The following EXOC1L variants were observed in gnomAD, a reference collection of about 807,000 sequenced individuals.
EXOC1L encodes exocyst complex component 1 like, also known as exocyst complex component 1-like.
A neutral mutation model predicts 4.9 loss-of-function variants in EXOC1L; 10 were observed. That is an observed-to-expected ratio of 2.02 (90% CI 1.25 to 3.43). The LOEUF (loss-of-function observed/expected upper bound fraction) is 3.43, where lower values mean the gene tolerates loss of function less well. Among genes scored for constraint, EXOC1L ranks in the 30% most tolerant of loss-of-function variants. The probability of loss-of-function intolerance (pLI) is 0.00; values close to 1 mark genes in which losing one functional copy is unlikely to be tolerated. For synonymous variants in EXOC1L, 41 were observed against 20.8 expected (o/e 1.97, Z -2.63); for missense variants, 114 against 59.4 (o/e 1.92, Z -3.02).
chr4:55,829,864 T>C (rs1260606404), intron 1 of EXOC1L, among the ~76,000 whole-genome samples: 1 of 152,228 alleles, frequency 6.6e-6, no homozygotes, highest in Non-Finnish European at 1.5e-5. Context: ...CTGTTGCATT[T>C]CAAATCCAGA....
chr4:55,826,851 G>T (rs908442074), intron 1 of EXOC1L, among the ~76,000 whole-genome samples: 2 of 152,182 alleles, frequency 1.3e-5, no homozygotes, highest in African/African-American at 4.8e-5. Context: ...AAAGGAAGCT[G>T]TTTTGTCAAA....
chr4:55,822,985 G>A (rs1719785132), intron 1 of EXOC1L, among the ~76,000 whole-genome samples: 2 of 150,764 alleles, frequency 1.3e-5, no homozygotes, highest in South Asian at 4.2e-4. Flanking sequence ...GTAAACATGT[G>A]TGTATATTTA....
At chr4:55,835,925 C>T (rs1039761766) in intron 2 of EXOC1L, among the ~76,000 whole-genome samples, 1 of 151,802 alleles carries the variant, frequency 6.6e-6, no homozygotes, top group African/African-American at 2.4e-5. Context: ...TTATTAAGCT[C>T]CACGCTCGTT....
At chr4:55,824,271 T>TCACA (rs746113500) in intron 1 of EXOC1L, among the ~76,000 whole-genome samples, 6 of 144,708 alleles carry the variant, frequency 4.1e-5, no homozygotes, top group African/African-American at 1.0e-4. Flanking sequence ...TCTCTCTCTC[T>TCACA]CTCACACACA....
chr4:55,833,493 G>T (rs1468255268), intron 2 of EXOC1L, among the ~76,000 whole-genome samples: 1 of 151,568 alleles, frequency 6.6e-6, no homozygotes, highest in African/African-American at 2.4e-5. Flanking sequence ...ATATTTTTCT[G>T]TACTTGTCAA....
chr4:55,824,662 T>C (rs886483132), intron 1 of EXOC1L, among the ~76,000 whole-genome samples: 1 of 152,102 alleles, frequency 6.6e-6, no homozygotes, highest in African/African-American at 2.4e-5. Context: ...CACCCAGCCC[T>C]ATGCAGGAAT....
chr4:55,835,520 T>A (rs1560577678), intron 2 of EXOC1L, among the ~76,000 whole-genome samples: 1 of 152,038 alleles, frequency 6.6e-6, no homozygotes, highest in East Asian at 1.9e-4. Context: ...CAACATCTAC[T>A]ATTTTTTGAT....
intron 1 of EXOC1L, among the ~76,000 whole-genome samples, chr4:55,824,509 T>C (rs1233105607): frequency 7.2e-5 from 11 of 152,086 alleles, no homozygotes; most frequent in Admixed American, 7.2e-4. Flanking sequence ...ACTACAGTCA[T>C]GCGCCACTAT....
chr4:55,821,331 G>A (rs1453807361), intron 1 of EXOC1L, among the ~76,000 whole-genome samples: 1 of 152,084 alleles, frequency 6.6e-6, no homozygotes, highest in Non-Finnish European at 1.5e-5. Context: ...AAGAAATTAA[G>A]TATTTTAGAA....
rs977419400 is a variant in EXOC1L at position 55,837,234 on chromosome 4, A to C, written c.402A>C (p.Thr134=). ...KDLQIVNFDS[T]YINDDSIWSS... ...TACAGATCGTGAACTTTGATTCTACATACATTAACGATGATTCCATTTGGT... is the reference window on the plus strand; with the variant it reads ...TACAGATCGTGAACTTTGATTCTACCTACATTAACGATGATTCCATTTGGT... Residue 134 remains threonine (T), a synonymous_variant, in exon 3 of 3, where the codon ACA becomes ACC. Transcript: ENST00000636125. 2.8e-6 allele frequency: 2 copies of C among 701,902 alleles called. No individual in the cohort carries two copies. Among genetic ancestry groups the C allele is most frequent in the Admixed American group, 4.0e-5 (2 of 49,974 alleles). The allele number at this position is 701,902 out of a possible 1,614,324, so 43.5% of individuals were successfully genotyped here.
At chr4:55,833,019 AC>A (rs779130669) in intron 2 of EXOC1L, among the ~76,000 whole-genome samples, 26 of 151,936 alleles carry the variant, frequency 1.7e-4, no homozygotes, top group Non-Finnish European at 3.7e-4. Flanking sequence ...CAACTTAAAA[AC>A]CTTTTTAAAA....
chr4:55,827,576 A>T (rs1577665150), intron 1 of EXOC1L, among the ~76,000 whole-genome samples: 1 of 152,322 alleles, frequency 6.6e-6, no homozygotes, highest in East Asian at 1.9e-4. Context: ...AATATTTATC[A>T]ATTTAATGAG....
At chr4:55,831,254 A>G (rs1160400035) in intron 1 of EXOC1L, 80 bp from the exon 2 acceptor site, 2 of 503,588 alleles carry the variant, frequency 4.0e-6, no homozygotes, top group East Asian at 6.5e-5. Context: ...AAGGGGATAC[A>G]TAAATACCAA....
rs143669758 is a variant in EXOC1L at position 55,835,638 on chromosome 4, C to T, written c.253-1447C>T. ...TTGAGCATTTTTTCATGTTTGTTGG[C>T]CATTTGTATATCTTCTTTTAAGAAT... is the stretch of plus-strand genomic sequence containing the variant. On this transcript the variant is annotated intron_variant, in intron 2 of 2. Transcript: ENST00000636125. 8.1e-3 allele frequency among the ~76,000 whole-genome samples: 1,224 copies of T among 151,986 alleles called. 24 individuals are homozygous for T. The highest frequency in any genetic ancestry group is 0.028 in the African/African-American group (1,145 of 41,502).
intron 1 of EXOC1L, among the ~76,000 whole-genome samples, chr4:55,828,887 C>T (rs1488337709): frequency 6.6e-6 from 1 of 151,624 alleles, no homozygotes; most frequent in Non-Finnish European, 1.5e-5. Flanking sequence ...ATGACGACAA[C>T]AAAAAACTGG....
At chr4:55,832,597 G>A (rs1271351704) in intron 2 of EXOC1L, among the ~76,000 whole-genome samples, 1 of 151,928 alleles carries the variant, frequency 6.6e-6, no homozygotes, top group African/African-American at 2.4e-5. Flanking sequence ...CTTATGAGGT[G>A]CCAGAAACCA....
intron 1 of EXOC1L, among the ~76,000 whole-genome samples, chr4:55,827,506 C>T (rs1243884366): frequency 6.6e-6 from 1 of 152,100 alleles, no homozygotes; most frequent in African/African-American, 2.4e-5. Flanking sequence ...AGGAATGATG[C>T]CTTATGAGAT....
At chr4:55,829,525 C>A (rs1334240490) in intron 1 of EXOC1L, among the ~76,000 whole-genome samples, 1 of 152,156 alleles carries the variant, frequency 6.6e-6, no homozygotes, top group Non-Finnish European at 1.5e-5. Context: ...CAGAAAAATT[C>A]TTCTTTAATA....
intron 1 of EXOC1L, among the ~76,000 whole-genome samples, chr4:55,829,857 T>C (rs1719977966): frequency 6.6e-6 from 1 of 152,184 alleles, no homozygotes. Context: ...GTGGTTTCTG[T>C]TGCATTTCAA....
Sources: allele counts gnomAD v4.1 joint callset (sites outside exome capture counted in the v4.1 genomes callset), GRCh38; gene constraint gnomAD v4.1.1; transcripts MANE v1.5; gene names NCBI Gene and HGNC (gene_info 2026-07-23, HGNC 2026-07-21).